APP: variants seen among roughly 807,000 people sequenced by gnomAD.
APP encodes amyloid-beta precursor protein.
Under a neutral mutation model 101.4 loss-of-function variants are expected in APP, and 31 were observed. The observed-to-expected ratio is 0.31, with a 90% confidence interval of 0.23 to 0.41. The LOEUF (loss-of-function observed/expected upper bound fraction) is 0.41, where lower values mean the gene tolerates loss of function less well. Ranked by LOEUF, APP falls within the 10% of genes least tolerant of loss-of-function variation. The pLI, the probability that APP is intolerant of heterozygous loss-of-function variation, is 1.00. For missense variants in APP, 839 were observed against 1,003.7 expected (o/e 0.84, Z 2.22); for synonymous variants, 366 against 364.4 (o/e 1.00, Z -0.05).
At chr21:25,977,838 C>T (rs1465799258) in intron 9 of APP, among the ~76,000 whole-genome samples, 5 of 152,154 alleles carry the variant, frequency 3.3e-5, no homozygotes, top group Non-Finnish European at 7.4e-5. Context: ...TAAAGGGAAC[C>T]TGTGGGCAAG....
intron 5 of APP, among the ~76,000 whole-genome samples, chr21:26,024,222 T>C (rs1051745997): frequency 6.6e-6 from 1 of 152,134 alleles, no homozygotes; most frequent in African/African-American, 2.4e-5. Flanking sequence ...GGTTTCAACC[T>C]TTCTGGGGCA....
intron 1 of APP, among the ~76,000 whole-genome samples, chr21:26,124,947 C>G (rs2062650404): frequency 6.6e-6 from 1 of 152,152 alleles, no homozygotes; most frequent in Non-Finnish European, 1.5e-5. Flanking sequence ...ATGGTGGAGA[C>G]ACAAATAAGG....
chr21:25,936,966 T>C (rs987034954), intron 13 of APP, among the ~76,000 whole-genome samples: 1 of 152,220 alleles, frequency 6.6e-6, no homozygotes, highest in East Asian at 1.9e-4. Context: ...GTACTGCCCC[T>C]TTCATGGAAA....
chr21:25,887,966 A>T (rs34722047), intron 17 of APP, among the ~76,000 whole-genome samples: 151,778 of 151,962 alleles, frequency 1, 75,797 homozygotes, highest in South Asian at 1. Flanking sequence ...TGTTCTCAGG[A>T]GTTTTTTTCC....
intron 6 of APP, among the ~76,000 whole-genome samples, chr21:26,004,797 C>A (rs1284628346): frequency 7.5e-6 from 1 of 133,994 alleles, no homozygotes; most frequent in Non-Finnish European, 1.7e-5. Flanking sequence ...GCTTTCCCTC[C>A]CCCAACCCCC....
chr21:25,897,588 A>T lies in APP; in HGVS notation c.2049T>A (p.Val683=), dbSNP rs773165294. 3.1e-6 allele frequency: 5 copies of T among 1,613,052 alleles called. No individual in the cohort carries two copies. Among genetic ancestry groups the T allele is most frequent in the Non-Finnish European group, 4.2e-6 (5 of 1,179,120 alleles). Residue 683 remains valine (V), a synonymous_variant, in exon 16 of 18, where the codon GTT becomes GTA. Coordinates refer to ENST00000346798, the MANE Select transcript of APP (RefSeq NM_000484.4). ...AEFRHDSGYE[V]HHQKLVFFAE... Reference sequence around the variant, plus strand: ...TTTTACGTACCAATTTTTGATGATGAACTTCATATCCTGAGTCATGTCGGA... The same window carrying T: ...TTTTACGTACCAATTTTTGATGATGTACTTCATATCCTGAGTCATGTCGGA...
chr21:26,010,820 C>CAAAAAA (rs58036272), intron 6 of APP, among the ~76,000 whole-genome samples: 2 of 54,814 alleles, frequency 3.6e-5, no homozygotes, highest in African/African-American at 1.4e-4. Context: ...GACTTCGTCT[C>CAAAAAA]AAAAAAAAAA....
At chr21:26,115,470 T>A (rs189649875) in intron 1 of APP, among the ~76,000 whole-genome samples, 2 of 152,316 alleles carry the variant, frequency 1.3e-5, no homozygotes, top group East Asian at 3.9e-4. Context: ...TCTCCCTGAA[T>A]TAAAACAAGA....
chr21:25,900,280 C>T (rs1323101364), intron 15 of APP, among the ~76,000 whole-genome samples: 2 of 146,320 alleles, frequency 1.4e-5, no homozygotes, highest in African/African-American at 5.1e-5. Context: ...CGCCTGTAAT[C>T]CCAGCACTTT....
At chr21:26,137,538 G>A (rs1410446419) in intron 1 of APP, among the ~76,000 whole-genome samples, 1 of 152,078 alleles carries the variant, frequency 6.6e-6, no homozygotes, top group Admixed American at 6.5e-5. Flanking sequence ...ACGGAGGTTT[G>A]CTCCTTCATT....
At chr21:25,958,881 C>A (rs1265148909) in intron 11 of APP, among the ~76,000 whole-genome samples, 1 of 152,154 alleles carries the variant, frequency 6.6e-6, no homozygotes, top group African/African-American at 2.4e-5. Flanking sequence ...CTCATCAAAT[C>A]TTCGTCTCAG....
intron 7 of APP, 130 bp downstream of exon 7, chr21:25,999,885 T>G (rs1399099717): frequency 6.7e-6 from 7 of 1,044,794 alleles, no homozygotes; most frequent in Non-Finnish European, 1.0e-5. Context: ...ATTAGAGAAG[T>G]GGACAGAAAT....
chr21:25,939,190 C>T (rs1304169534), intron 13 of APP, among the ~76,000 whole-genome samples: 1 of 152,142 alleles, frequency 6.6e-6, no homozygotes, highest in Non-Finnish European at 1.5e-5. Flanking sequence ...CTTTCATGTT[C>T]CCTTGAGGAG....
chr21:25,955,790 T>C (rs759116684), intron 11 of APP, 35 bp from the exon 12 acceptor site: 2 of 1,613,820 alleles, frequency 1.2e-6, no homozygotes, highest in South Asian at 2.2e-5. Flanking sequence ...TTTTTCAAGT[T>C]TGTGCAAAAC....
At chr21:25,992,743 T>C (rs1399733494) in intron 8 of APP, among the ~76,000 whole-genome samples, 1 of 152,218 alleles carries the variant, frequency 6.6e-6, no homozygotes, top group African/African-American at 2.4e-5. Context: ...GGCACTGACG[T>C]GACAGGTAGT....
At chr21:25,930,164 G>A (rs979519202) in intron 13 of APP, among the ~76,000 whole-genome samples, 2 of 152,108 alleles carry the variant, frequency 1.3e-5, no homozygotes, top group East Asian at 1.9e-4. Flanking sequence ...GCAGGCTGTG[G>A]GTACAACTCT....
intron 8 of APP, among the ~76,000 whole-genome samples, chr21:25,994,999 T>C (rs897616548): frequency 6.6e-6 from 1 of 152,156 alleles, no homozygotes; most frequent in African/African-American, 2.4e-5. Flanking sequence ...AAGCACTTCA[T>C]CCTCCTAGAA....
At chr21:25,905,186 G>T in intron 14 of APP, 109 bp from the exon 15 acceptor site, 1 of 940,652 alleles carries the variant, frequency 1.1e-6, no homozygotes. Flanking sequence ...CAATAAACAA[G>T]TTACAAAAAA....
intron 6 of APP, among the ~76,000 whole-genome samples, chr21:26,010,297 T>C (rs1429610834): frequency 6.6e-6 from 1 of 152,104 alleles, no homozygotes; most frequent in Non-Finnish European, 1.5e-5. Context: ...GCATACGCAA[T>C]GTTTCAAGTC....
Sources: allele counts gnomAD v4.1 joint callset (sites outside exome capture counted in the v4.1 genomes callset), GRCh38; gene constraint gnomAD v4.1.1; transcripts MANE v1.5; gene names NCBI Gene and HGNC (gene_info 2026-07-23, HGNC 2026-07-21).